Variants in USP34 observed in about 807,000 individuals in gnomAD.
USP34 encodes the protein ubiquitin specific peptidase 34.
A neutral mutation model predicts 460.3 loss-of-function variants in USP34; 70 were observed. The observed-to-expected ratio is 0.15, with a 90% CI of 0.13 to 0.19. The LOEUF (loss-of-function observed/expected upper bound fraction) is 0.19, where lower values mean the gene tolerates loss of function less well. Among genes scored for constraint, USP34 ranks in the 10% least tolerant of loss-of-function variants. The pLI, the probability that USP34 is intolerant of heterozygous loss-of-function variation, is 1.00. For missense variants in USP34, 3,985 were observed against 4,236.2 expected, an observed-to-expected ratio of 0.94 and a Z score of 1.65; for synonymous variants, 1,647 against 1,405.3, an observed-to-expected ratio of 1.17 and a Z score of -3.85.
chr2:61,370,774 G>C (rs931354864), intron 8 of USP34, among the ~76,000 whole-genome samples, 195 bp from the exon 9 acceptor site: 14 of 152,134 alleles, frequency 9.2e-5, no homozygotes, highest in Non-Finnish European at 1.9e-4. Context: ...CAAATTCCCT[G>C]AGTTTATAAA....
chr2:61,434,769 G>C (rs576459177), intron 1 of USP34, among the ~76,000 whole-genome samples: 9 of 104,876 alleles, frequency 8.6e-5, no homozygotes, highest in African/African-American at 3.2e-4. Context: ...AAAATTGAAA[G>C]GGGGGGGGTT....
chr2:61,354,940 C>G (rs925432455), intron 10 of USP34, among the ~76,000 whole-genome samples: 1 of 152,164 alleles, frequency 6.6e-6, no homozygotes, highest in South Asian at 2.1e-4. Flanking sequence ...GCTATACAAG[C>G]TTGCTGGGAC....
chr2:61,312,906 C>T (rs1487561457), intron 25 of USP34, among the ~76,000 whole-genome samples: 1 of 152,172 alleles, frequency 6.6e-6, no homozygotes, highest in Non-Finnish European at 1.5e-5. Flanking sequence ...AAGATTATAA[C>T]TTTATCTCTT....
At chr2:61,406,669 C>T (rs1032226635) in intron 2 of USP34, among the ~76,000 whole-genome samples, 6 of 150,370 alleles carry the variant, frequency 4.0e-5, no homozygotes, top group African/African-American at 7.4e-5. Context: ...TCTCTCCCCC[C>T]CAAGCTCCTG....
At chr2:61,308,093 A>G (rs1164655285) in intron 27 of USP34, among the ~76,000 whole-genome samples, 1 of 152,080 alleles carries the variant, frequency 6.6e-6, no homozygotes, top group Non-Finnish European at 1.5e-5. Context: ...AGAAAGGGGG[A>G]AAAGAAACAA....
chr2:61,273,250 C>T (rs1410668935), intron 41 of USP34, among the ~76,000 whole-genome samples: 1 of 152,124 alleles, frequency 6.6e-6, no homozygotes. Flanking sequence ...TCATACTCTT[C>T]CACAGGCAAA....
chr2:61,438,442 G>A (rs570062486), intron 1 of USP34, among the ~76,000 whole-genome samples: 4 of 152,066 alleles, frequency 2.6e-5, no homozygotes, highest in South Asian at 4.2e-4. Flanking sequence ...GTGAAACCCC[G>A]TTTCTACCAA....
intron 48 of USP34, among the ~76,000 whole-genome samples, chr2:61,256,067 C>A (rs1688717024): frequency 6.6e-6 from 1 of 152,108 alleles, no homozygotes; most frequent in Non-Finnish European, 1.5e-5. Context: ...AAGAAAATGT[C>A]ACAAAAGCTA....
At chr2:61,259,490 C>T (rs1688813757) in intron 44 of USP34, among the ~76,000 whole-genome samples, 1 of 151,548 alleles carries the variant, frequency 6.6e-6, no homozygotes, top group Non-Finnish European at 1.5e-5. Context: ...TGGGCTCAAG[C>T]GAGCCTCCCT....
At chr2:61,259,668 G>A (rs1041487119) in intron 44 of USP34, 43 bp downstream of exon 44, 9 of 1,585,038 alleles carry the variant, frequency 5.7e-6, no homozygotes, top group Non-Finnish European at 7.8e-6. Flanking sequence ...TTACAGGCAT[G>A]AGCCACAGTG....
chr2:61,301,546 G>T, intron 27 of USP34, 92 bp from the exon 28 acceptor site: 2 of 1,065,204 alleles, frequency 1.9e-6, no homozygotes, highest in Non-Finnish European at 2.8e-6. Flanking sequence ...TAAACACACT[G>T]TATGTTAAGT....
intron 33 of USP34, 140 bp from the exon 34 acceptor site, chr2:61,289,017 A>G: frequency 1.2e-6 from 1 of 823,722 alleles, no homozygotes. Context: ...TCTGCTGCTC[A>G]AATATTATGG....
At chr2:61,303,290 T>C (rs979404227) in intron 27 of USP34, among the ~76,000 whole-genome samples, 1 of 152,156 alleles carries the variant, frequency 6.6e-6, no homozygotes, top group African/African-American at 2.4e-5. Context: ...GGTCTTGAAC[T>C]CTTGACCTCC....
chr2:61,314,846 C>G (rs1048646199), intron 24 of USP34, 29 bp downstream of exon 24: 3 of 1,599,678 alleles, frequency 1.9e-6, no homozygotes, highest in Non-Finnish European at 2.6e-6. Context: ...ATAGAAATTA[C>G]CTATCAGACA....
intron 1 of USP34, among the ~76,000 whole-genome samples, chr2:61,438,222 C>T (rs772746972): frequency 5.1e-4 from 78 of 152,106 alleles, no homozygotes; most frequent in Admixed American, 2.2e-3. Context: ...GGATGTCATA[C>T]ATCTTAGCAA....
At chr2:61,456,226 C>T (rs1303221792) in intron 1 of USP34, among the ~76,000 whole-genome samples, 1 of 152,184 alleles carries the variant, frequency 6.6e-6, no homozygotes, top group Non-Finnish European at 1.5e-5. Flanking sequence ...TCACCTCTTT[C>T]ATGGTAACAA....
intron 27 of USP34, among the ~76,000 whole-genome samples, chr2:61,303,090 G>A (rs1044734469): frequency 4.0e-5 from 6 of 150,532 alleles, no homozygotes; most frequent in South Asian, 2.1e-4. Flanking sequence ...TTTTTGAGAC[G>A]GAGTGTCACT....
chr2:61,369,924 T>C (rs565753926), intron 10 of USP34, among the ~76,000 whole-genome samples: 5 of 150,030 alleles, frequency 3.3e-5, no homozygotes, highest in Middle Eastern at 3.4e-3. Context: ...AGGAAAAACA[T>C]GTAATATATT....
rs1021207568 is a variant in USP34 at position 61,297,035 on chromosome 2, C to T, written c.4129-110G>A. ...CAAATTTGCTAATAGTTTTTAGCCT[C>T]ACTTTTTGAAAAGTGAGAAATGAAA... On this transcript the variant is annotated intron_variant, in intron 29 of 79. Transcript: ENST00000398571. 3 of 1,376,222 alleles carry T rather than the reference C, an allele frequency of 2.2e-6. No individual in the cohort carries two copies. The Admixed American group carries it at 7.4e-5, about 34-fold the overall frequency. 85.3% of individuals were successfully genotyped at this position (1,376,222 alleles called of 1,614,324 possible). A position where few individuals can be genotyped will look rare whatever the true frequency, so the allele number is the denominator to read the frequency against.
Sources: allele counts gnomAD v4.1 joint callset (sites outside exome capture counted in the v4.1 genomes callset), GRCh38; gene constraint gnomAD v4.1.1; transcripts MANE v1.5; gene names NCBI Gene and HGNC (gene_info 2026-07-23, HGNC 2026-07-21).